The following NBAS variants were observed in gnomAD, a reference collection of about 807,000 sequenced individuals.
NBAS encodes the protein NBAS subunit of NRZ tethering complex, also known as NAG/BC035112 fusion.
In NBAS, 219 loss-of-function variants were observed where a neutral mutation model predicts 302.5. The observed-to-expected ratio is 0.72, with a 90% confidence interval of 0.65 to 0.81. The LOEUF is 0.81. Among genes scored for constraint, NBAS ranks in the 30% least tolerant of loss-of-function variants. The pLI is 0.00. For missense variants in NBAS, 2,932 were observed against 2,841.6 expected, an observed-to-expected ratio of 1.03 and a Z score of -0.72; for synonymous variants, 1,118 against 1,021.6, an observed-to-expected ratio of 1.09 and a Z score of -1.80.
chr2:15,213,903 T>C (rs1666535895), intron 48 of NBAS, among the ~76,000 whole-genome samples: 3 of 152,218 alleles, frequency 2.0e-5, no homozygotes, highest in African/African-American at 4.8e-5. Flanking sequence ...AGGAGCTATA[T>C]CCAAACATTT....
chr2:14,959,665 A>G, the NBAS span, among the ~76,000 whole-genome samples: 1 of 152,172 alleles, frequency 6.6e-6, no homozygotes, highest in African/African-American at 2.4e-5. Context: ...AATTCTGTCA[A>G]GATACTTTGA....
intron 51 of NBAS, among the ~76,000 whole-genome samples, chr2:15,177,016 A>G (rs1664574665): frequency 6.6e-6 from 1 of 152,220 alleles, no homozygotes; most frequent in African/African-American, 2.4e-5. Flanking sequence ...GCCTAATGTG[A>G]GCATTCAACT....
chr2:15,338,539 C>A (rs1672697483), intron 35 of NBAS, among the ~76,000 whole-genome samples: 1 of 152,172 alleles, frequency 6.6e-6, no homozygotes, highest in Non-Finnish European at 1.5e-5. Context: ...TGCCAATTAG[C>A]AGGCAAGGCT....
the NBAS span, among the ~76,000 whole-genome samples, chr2:14,955,086 G>C: frequency 6.6e-6 from 1 of 152,152 alleles, no homozygotes; most frequent in Non-Finnish European, 1.5e-5. Context: ...AGATACAATG[G>C]AAGTATAGGC....
intron 25 of NBAS, among the ~76,000 whole-genome samples, chr2:15,408,156 A>G (rs1307480071): frequency 6.6e-6 from 1 of 152,224 alleles, no homozygotes; most frequent in Non-Finnish European, 1.5e-5. Context: ...TCATAGGTTC[A>G]GGAATTAGGA....
At chr2:15,275,421 T>G in intron 44 of NBAS, 63 bp downstream of exon 44, 1 of 1,472,276 alleles carries the variant, frequency 6.8e-7, no homozygotes, top group Admixed American at 2.0e-5. Flanking sequence ...ATCTACAGAA[T>G]GTAGGAGAAA....
chr2:15,235,640 T>C (rs560587946), intron 45 of NBAS, among the ~76,000 whole-genome samples: 3 of 152,318 alleles, frequency 2.0e-5, no homozygotes, highest in Non-Finnish European at 2.9e-5. Flanking sequence ...AGTGGTTATT[T>C]TAAAGTATCT....
chr2:15,328,600 A>T (rs1428021588), intron 36 of NBAS, among the ~76,000 whole-genome samples: 1 of 152,206 alleles, frequency 6.6e-6, no homozygotes, highest in Non-Finnish European at 1.5e-5. Context: ...AATTAGAAAC[A>T]CTGAAGCAAT....
intron 41 of NBAS, among the ~76,000 whole-genome samples, chr2:15,287,941 C>A (rs1226435298): frequency 6.7e-6 from 1 of 149,796 alleles, no homozygotes; most frequent in African/African-American, 2.5e-5. Context: ...GCATTCTGAG[C>A]ACCCCATGGA....
rs1294414377 is a variant in NBAS at position 15,415,464 on chromosome 2, C to T, written c.2937+82G>A. On this transcript the variant is annotated intron_variant, in intron 25 of 51. Transcript: ENST00000281513. ...TTTAAAGGGAAATTATCTGCAAAGCCTACCATAAAAATTGTATAAATAAAA... is the reference window on the plus strand; with the variant it reads ...TTTAAAGGGAAATTATCTGCAAAGCTTACCATAAAAATTGTATAAATAAAA... The T allele has an allele frequency of 4.0e-6, 5 of 1,258,624 alleles. No homozygotes were observed. In the African/African-American group the frequency reaches 5.9e-5, roughly 15 times the overall value. 78.0% of individuals were successfully genotyped at this position (1,258,624 alleles called of 1,614,324 possible).
chr2:15,265,860 G>A (rs1187374505), intron 44 of NBAS, among the ~76,000 whole-genome samples: 1 of 152,198 alleles, frequency 6.6e-6, no homozygotes. Context: ...AGAATAAACA[G>A]CAGGGTAAGT....
chr2:15,115,613 G>A, the NBAS span, among the ~76,000 whole-genome samples: 8 of 152,138 alleles, frequency 5.3e-5, no homozygotes, highest in Middle Eastern at 3.4e-3. Flanking sequence ...AAATCTTCCC[G>A]CTTCAGCCTC....
In NBAS at chr2:15,327,750, C is replaced by A; in HGVS notation, c.4582G>T (p.Val1528Phe). Residue 1528 changes from valine to phenylalanine, a missense_variant and splice_region_variant, in exon 38 of 52, where the codon GTT becomes TTT. Val to Phe is a conservative substitution (Grantham distance 50). Coordinates refer to ENST00000281513, the MANE Select transcript of NBAS (RefSeq NM_015909.4). ...AAGGGACTAGAACCTTCTCTCTTAC[C>A]TTCAGTTGTTGGAAATACTTCTCCT... ...NKGEVFPTTE[V>F]LLQLASEALP... 1.9e-6 allele frequency: 3 copies of A among 1,613,516 alleles called. No individual in the cohort carries two copies. The highest frequency in any genetic ancestry group is 2.5e-6 in the Non-Finnish European group (3 of 1,179,612).
the NBAS span, among the ~76,000 whole-genome samples, chr2:14,869,748 T>G: frequency 6.6e-6 from 1 of 152,154 alleles, no homozygotes; most frequent in Non-Finnish European, 1.5e-5. Context: ...GCTGCCCTTA[T>G]CCATTTACCA....
the NBAS span, among the ~76,000 whole-genome samples, chr2:14,831,807 G>T: frequency 6.6e-6 from 1 of 152,100 alleles, no homozygotes; most frequent in African/African-American, 2.4e-5. Flanking sequence ...TTATATCGTA[G>T]GGCTTAAAAG....
chr2:15,457,764 T>A (rs1200528503), intron 21 of NBAS, among the ~76,000 whole-genome samples: 1 of 152,196 alleles, frequency 6.6e-6, no homozygotes, highest in African/African-American at 2.4e-5. Flanking sequence ...GAGCTGAAAA[T>A]GAATATCAAG....
the NBAS span, among the ~76,000 whole-genome samples, chr2:15,051,687 T>A: frequency 6.6e-6 from 1 of 152,220 alleles, no homozygotes; most frequent in African/African-American, 2.4e-5. Flanking sequence ...GTTAATGGCT[T>A]TAATACGTAT....
chr2:15,547,756 T>C (rs1469829771), intron 6 of NBAS, among the ~76,000 whole-genome samples: 1 of 152,176 alleles, frequency 6.6e-6, no homozygotes, highest in African/African-American at 2.4e-5. Context: ...GGCAATTGAA[T>C]ACCCACCAAA....
intron 32 of NBAS, among the ~76,000 whole-genome samples, chr2:15,361,706 C>T (rs113087259): frequency 0.017 from 2,579 of 151,978 alleles, 73 homozygotes; most frequent in African/African-American, 0.058. Flanking sequence ...TGGCTGGGCA[C>T]GGTGGCTCAC....
Sources: gnomAD v4.1 joint callset for allele counts (sites outside exome capture counted in the v4.1 genomes callset) on GRCh38, gnomAD v4.1.1 for gene constraint, MANE v1.5 for transcripts, NCBI Gene and HGNC (gene_info 2026-07-23, HGNC 2026-07-21) for gene names.